Variants in UTP20 observed in about 807,000 individuals in gnomAD.
The protein encoded by UTP20 is small subunit processome component 20 homolog.
A neutral mutation model predicts 329.5 loss-of-function variants in UTP20; 164 were observed. That is an observed-to-expected ratio of 0.50 (90% confidence interval 0.44 to 0.57). The LOEUF (loss-of-function observed/expected upper bound fraction) is 0.57. UTP20 is among the 20% of genes least tolerant of loss of function. The pLI, the probability that UTP20 is intolerant of heterozygous loss-of-function variation, is 0.00. For missense variants in UTP20, 3,055 were observed against 3,284.2 expected (o/e 0.93, Z 1.71); for synonymous variants, 1,151 against 1,159.3 (o/e 0.99, Z 0.14).
chr12:101,375,190 T>C (rs1223992766), intron 55 of UTP20, among the ~76,000 whole-genome samples: 1 of 152,008 alleles, frequency 6.6e-6, no homozygotes, highest in Admixed American at 6.6e-5. Context: ...ATTTCCACCT[T>C]TTCAGGAGGC....
chr12:101,308,856 C>G lies in UTP20; in HGVS notation c.2154+513C>G, dbSNP rs181146875. On this transcript the variant is annotated intron_variant, in intron 18 of 61. Transcript: ENST00000261637. ...CACACCATTCTCCTGCCTCAGCCTC[C>G]CGAGTTGCTGGAACTACAGGTGCAT... 2.7e-4 allele frequency among the ~76,000 whole-genome samples: 41 copies of G among 152,170 alleles called. 1 individual carries two copies. Among genetic ancestry groups the G allele is most frequent in the Admixed American group, 2.7e-3 (41 of 15,306 alleles).
chr12:101,293,130 C>G (rs769864771), intron 10 of UTP20, 38 bp from the exon 11 acceptor site: 6 of 1,587,780 alleles, frequency 3.8e-6, no homozygotes, highest in Non-Finnish European at 3.5e-6. Context: ...AAAATACTCT[C>G]TGTGTACTTA....
At chr12:101,286,898 T>G (rs2137230134) in intron 5 of UTP20, among the ~76,000 whole-genome samples, 1 of 152,148 alleles carries the variant, frequency 6.6e-6, no homozygotes, top group Middle Eastern at 3.4e-3. Flanking sequence ...ATAAGGGAGG[T>G]TTAAGACAGG....
In UTP20 at chr12:101,300,051, C is replaced by T. The variant is rs777753971; in HGVS notation, c.1665C>T (p.Ser555=). The change falls in exon 14 of 62, where the codon AGC becomes AGT. Residue 555 remains serine, a synonymous_variant. Transcript: ENST00000261637. ...EALFMTVDKG[S]FGKGNLFVLC... is the part of the protein sequence containing the mutation. ...TCTTCATGACTGTTGACAAAGGAAG[C>T]TTTGGGAAAGGTCAGTTACAATCAT... 1.9e-6 allele frequency: 3 copies of T among 1,614,128 alleles called. No homozygotes were observed. Among genetic ancestry groups the T allele is most frequent in the Non-Finnish European group, 2.5e-6 (3 of 1,179,970 alleles).
intron 5 of UTP20, 59 bp downstream of exon 5, chr12:101,286,568 C>T (rs1871968031): frequency 7.2e-7 from 1 of 1,388,074 alleles, no homozygotes; most frequent in Non-Finnish European, 9.6e-7. Context: ...TCCCTGGCTT[C>T]TTTATGACTC....
chr12:101,311,343 G>A (rs1872783770), intron 19 of UTP20, among the ~76,000 whole-genome samples: 1 of 152,108 alleles, frequency 6.6e-6, no homozygotes, highest in African/African-American at 2.4e-5. Flanking sequence ...ATTTGGTGGA[G>A]GGAAACTAAT....
At chr12:101,311,425 T>C (rs1273937802) in intron 19 of UTP20, among the ~76,000 whole-genome samples, 2 of 152,214 alleles carry the variant, frequency 1.3e-5, no homozygotes, top group East Asian at 3.8e-4. Flanking sequence ...ATGGATCTTA[T>C]TCATGCCCCA....
chr12:101,293,533 T>C (rs1872242123), intron 11 of UTP20, among the ~76,000 whole-genome samples: 1 of 152,228 alleles, frequency 6.6e-6, no homozygotes, highest in Non-Finnish European at 1.5e-5. Context: ...CAATTTGCAC[T>C]GGTGGAAGTT....
intron 43 of UTP20, among the ~76,000 whole-genome samples, chr12:101,357,958 T>C (rs1003777863): frequency 2.6e-5 from 4 of 152,172 alleles, no homozygotes; most frequent in Non-Finnish European, 5.9e-5. Flanking sequence ...ATTTAAAGTT[T>C]GAGGAACGCT....
intron 54 of UTP20, 101 bp from the exon 55 acceptor site, chr12:101,374,707 C>T (rs1870414419): frequency 1.5e-6 from 1 of 672,156 alleles, no homozygotes; most frequent in Admixed American, 2.5e-5. Flanking sequence ...TGTTTATTTT[C>T]TCTGAATGTT....
intron 36 of UTP20, among the ~76,000 whole-genome samples, chr12:101,345,038 C>T (rs1407416801): frequency 4.8e-5 from 7 of 146,182 alleles, no homozygotes; most frequent in South Asian, 4.4e-4. Context: ...CTCCGCCTCC[C>T]GGGTTCAAGT....
chr12:101,294,225 T>TG, intron 11 of UTP20, among the ~76,000 whole-genome samples: 1 of 151,976 alleles, frequency 6.6e-6, no homozygotes, highest in African/African-American at 2.4e-5. Flanking sequence ...TTAGTGGAGA[T>TG]GGGGTTTCAC....
At chr12:101,341,087 T>G (rs1869116685) in intron 32 of UTP20, among the ~76,000 whole-genome samples, 4 of 151,492 alleles carry the variant, frequency 2.6e-5, no homozygotes, top group Non-Finnish European at 5.9e-5. Flanking sequence ...GCAATTCTCC[T>G]GCCTCAGCCT....
At chr12:101,307,569 GT>G (rs895872774) in intron 17 of UTP20, among the ~76,000 whole-genome samples, 4 of 152,158 alleles carry the variant, frequency 2.6e-5, no homozygotes, top group Admixed American at 1.3e-4. Context: ...TAAAGATGGA[GT>G]TTTGCCATGT....
intron 25 of UTP20, 140 bp from the exon 26 acceptor site, chr12:101,326,941 A>G: frequency 1.1e-6 from 1 of 879,312 alleles, no homozygotes; most frequent in Non-Finnish European, 1.7e-6. Flanking sequence ...TTAAATATCT[A>G]ATTTCTATTT....
intron 11 of UTP20, among the ~76,000 whole-genome samples, chr12:101,293,787 T>G (rs1872250858): frequency 6.6e-6 from 1 of 152,218 alleles, no homozygotes; most frequent in South Asian, 2.1e-4. Flanking sequence ...CTTTTGTACC[T>G]GTCCAAGATC....
At chr12:101,371,691 A>G (rs1870296910) in intron 51 of UTP20, among the ~76,000 whole-genome samples, 1 of 151,236 alleles carries the variant, frequency 6.6e-6, no homozygotes, top group Admixed American at 6.6e-5. Context: ...GCACCACCAC[A>G]CCCAGCTAAT....
chr12:101,372,869 G>T lies in UTP20; in HGVS notation c.6799-15G>T, dbSNP rs775577087. On this transcript the variant is annotated splice_polypyrimidine_tract_variant and intron_variant, in intron 51 of 61. Coordinates refer to ENST00000261637, the MANE Select transcript of UTP20 (RefSeq NM_014503.3). ...GTGAGATCCAAATAATCATCTGTGT[G>T]ACTTTTGTTCCTAGGTTTTTCTGAA... 1.9e-6 allele frequency: 3 copies of T among 1,605,612 alleles called. No homozygotes were observed. The highest frequency in any genetic ancestry group is 2.6e-6 in the Non-Finnish European group (3 of 1,172,362).
intron 12 of UTP20, among the ~76,000 whole-genome samples, chr12:101,297,347 C>G (rs921083670): frequency 1.3e-5 from 2 of 152,188 alleles, no homozygotes; most frequent in Admixed American, 6.5e-5. Flanking sequence ...TCCCAGGTAG[C>G]TGGAACCATA....
Sources: allele counts gnomAD v4.1 joint callset (sites outside exome capture counted in the v4.1 genomes callset), GRCh38; gene constraint gnomAD v4.1.1; transcripts MANE v1.5; gene names NCBI Gene and HGNC (gene_info 2026-07-23, HGNC 2026-07-21).